The following SLC24A3 variants were observed in gnomAD, a reference collection of about 807,000 sequenced individuals.
The protein encoded by SLC24A3 is sodium/potassium/calcium exchanger 3.
Under a neutral mutation model 75.8 loss-of-function variants are expected in SLC24A3, and 28 were observed. That is an observed-to-expected ratio of 0.37 (90% CI 0.27 to 0.51). The LOEUF is 0.51. SLC24A3 is among the 20% of genes least tolerant of loss of function. The pLI is 0.94. For synonymous variants in SLC24A3, 372 were observed against 334.1 expected (o/e 1.11, Z -1.24); for missense variants, 663 against 847.8 (o/e 0.78, Z 2.71).
chr20:19,636,129 G>T (rs1021758222), intron 6 of SLC24A3, among the ~76,000 whole-genome samples: 2 of 146,862 alleles, frequency 1.4e-5, no homozygotes, highest in Non-Finnish European at 3.0e-5. Context: ...GACAGAGCGA[G>T]ACTCCATCTC....
rs1347718088 is a variant in SLC24A3 at position 19,212,895 on chromosome 20, G to T, written c.53G>T (p.Arg18Leu). Reference sequence around the variant, plus strand: ...GCGCGTCGCCGCCGCCGCCGCCGCCGCCGGAGGGACCTTCTGCTGAGCCAG... The same window carrying T: ...GCGCGTCGCCGCCGCCGCCGCCGCCTCCGGAGGGACCTTCTGCTGAGCCAG... ...DRARRRRRRR[R>L]RRDLLLSQLC... The change falls in exon 1 of 17, where the codon CGC (arginine) becomes CTC (leucine). Residue 18 changes from arginine (R) to leucine (L), a missense_variant. Physicochemically the swap from Arg to Leu is moderately radical, Grantham distance 102 (BLOSUM62 -2). Transcript: ENST00000328041. 7.6e-7 allele frequency: 1 copy of T among 1,315,110 alleles called. No homozygotes were observed. The highest frequency in any genetic ancestry group is 9.7e-7 in the Non-Finnish European group (1 of 1,027,500). 81.5% of individuals were successfully genotyped at this position (1,315,110 alleles called of 1,614,324 possible). A position where few individuals can be genotyped will look rare whatever the true frequency, so the allele number is the denominator to read the frequency against.
At chr20:19,384,495 A>G (rs921344073) in intron 2 of SLC24A3, among the ~76,000 whole-genome samples, 7 of 152,218 alleles carry the variant, frequency 4.6e-5, no homozygotes, top group African/African-American at 1.7e-4. Flanking sequence ...ATGTTTTAGC[A>G]AACAAAGAAT....
Position 19,269,967 on chromosome 20 carries a change from C to T in SLC24A3, c.143-10992C>T, listed in dbSNP as rs906033287. On this transcript the variant is annotated intron_variant, in intron 1 of 16. Coordinates refer to ENST00000328041, the MANE Select transcript of SLC24A3 (RefSeq NM_020689.4). Reference sequence around the variant, plus strand: ...CTTCCTGCTGGACAGAACCCACTACCGGTCAGAACATCATCTTCTTCGCTT... The same window carrying T: ...CTTCCTGCTGGACAGAACCCACTACTGGTCAGAACATCATCTTCTTCGCTT... 7.9e-5 allele frequency among the ~76,000 whole-genome samples: 12 copies of T among 152,328 alleles called. No homozygotes were observed. The East Asian group carries it at 1.5e-3, about 20-fold the overall frequency.
At chr20:19,360,190 T>C (rs1985760763) in intron 2 of SLC24A3, among the ~76,000 whole-genome samples, 1 of 152,184 alleles carries the variant, frequency 6.6e-6, no homozygotes, top group Admixed American at 6.5e-5. Context: ...TATCTTGGGT[T>C]TTGCTGATAC....
intron 2 of SLC24A3, among the ~76,000 whole-genome samples, chr20:19,424,216 C>A (rs1297319363): frequency 1.3e-5 from 2 of 152,142 alleles, no homozygotes; most frequent in Non-Finnish European, 2.9e-5. Context: ...CCAACTCCTT[C>A]CAGCTTTTCA....
At chr20:19,599,697 G>A (rs1021988311) in intron 6 of SLC24A3, among the ~76,000 whole-genome samples, 2 of 152,158 alleles carry the variant, frequency 1.3e-5, no homozygotes, top group African/African-American at 4.8e-5. Flanking sequence ...AATGTGGTGT[G>A]GGACTAAATG....
Position 19,721,347 on chromosome 20 carries a change from C to A in SLC24A3, c.*207C>A. 1.9e-6 allele frequency: 1 copy of A among 535,244 alleles called. No homozygotes were observed. Among genetic ancestry groups the A allele is most frequent in the South Asian group, 3.0e-5 (1 of 33,888 alleles). 33.2% of individuals were successfully genotyped at this position (535,244 alleles called of 1,614,324 possible). ...CTTGGGTCATGCCCACCCACCCTTT[C>A]CTGCCTCCTCCGTGTGAAGACATCC... On this transcript the variant is annotated 3_prime_UTR_variant, in exon 17 of 17. Coordinates refer to ENST00000328041, the MANE Select transcript of SLC24A3 (RefSeq NM_020689.4).
At chr20:19,289,151 TG>T (rs1300127609) in intron 2 of SLC24A3, among the ~76,000 whole-genome samples, 1 of 152,152 alleles carries the variant, frequency 6.6e-6, no homozygotes. Context: ...ACCCCTGGGC[TG>T]GGGGTCTGTG....
intron 2 of SLC24A3, among the ~76,000 whole-genome samples, chr20:19,429,037 C>T (rs1005900955): frequency 9.9e-5 from 15 of 152,158 alleles, no homozygotes; most frequent in Non-Finnish European, 2.1e-4. Flanking sequence ...GAATTTAAAA[C>T]AGAAATATAA....
intron 16 of SLC24A3, among the ~76,000 whole-genome samples, chr20:19,720,776 C>T (rs2033096563): frequency 6.6e-6 from 1 of 152,106 alleles, no homozygotes; most frequent in Admixed American, 6.5e-5. Context: ...TTTTCTACAA[C>T]CAGCAGCTTC....
rs1053486150 is a variant in SLC24A3, at chr20:19,485,329, T to A, written c.272-30159T>A. Among the ~76,000 whole-genome samples the A allele has an allele frequency of 4.6e-5, 7 of 152,314 alleles. 1 individual carries two copies. Among genetic ancestry groups the A allele is most frequent in the Admixed American group, 1.3e-4 (2 of 15,306 alleles). On this transcript the variant is annotated intron_variant, in intron 2 of 16. Transcript: ENST00000328041. ...ACACCCAGTAAGTGAATGAGGCAGC[T>A]GGACTGATGAGTCCATGTGGAAAGA...
intron 2 of SLC24A3, among the ~76,000 whole-genome samples, chr20:19,497,933 G>C (rs1343423927): frequency 6.6e-6 from 1 of 152,154 alleles, no homozygotes; most frequent in Admixed American, 6.5e-5. Flanking sequence ...GGGCCACATA[G>C]CAGGAGGGGA....
rs371234304 is a variant in SLC24A3 at position 19,681,837 on chromosome 20, C to T, written c.768-21C>T. On this transcript the variant is annotated intron_variant, in intron 9 of 16. Transcript: ENST00000328041. ...GAATGGAAAACACTGATGGACTCTG[C>T]CCACTTGTCGCTTTGCTCAGATATA... The T allele has an allele frequency of 2.5e-6, 4 of 1,613,606 alleles. No individual in the cohort carries two copies. In the African/African-American group the frequency reaches 5.3e-5, roughly 22 times the overall value.
intron 7 of SLC24A3, among the ~76,000 whole-genome samples, chr20:19,660,288 C>T (rs2032312076): frequency 6.6e-6 from 1 of 151,918 alleles, no homozygotes; most frequent in Non-Finnish European, 1.5e-5. Context: ...GCCCCTCCTC[C>T]CACCCCCCCA....
chr20:19,563,237 G>A (rs899109744), intron 3 of SLC24A3, among the ~76,000 whole-genome samples: 1 of 152,022 alleles, frequency 6.6e-6, no homozygotes, highest in African/African-American at 2.4e-5. Flanking sequence ...TGCTCACATT[G>A]TCCCCGCCAG....
chr20:19,413,602 C>T (rs1328890437), intron 2 of SLC24A3, among the ~76,000 whole-genome samples: 2 of 152,154 alleles, frequency 1.3e-5, no homozygotes. Flanking sequence ...CCAGTAATCA[C>T]CTTTCACTTT....
intron 6 of SLC24A3, among the ~76,000 whole-genome samples, chr20:19,596,429 A>T (rs986418807): frequency 6.6e-6 from 1 of 152,236 alleles, no homozygotes; most frequent in African/African-American, 2.4e-5. Flanking sequence ...AACTGTACAA[A>T]TGAGTACAAA....
At chr20:19,367,460 A>AAAAC (rs1438524591) in intron 2 of SLC24A3, among the ~76,000 whole-genome samples, 1 of 151,028 alleles carries the variant, frequency 6.6e-6, no homozygotes, top group Admixed American at 6.6e-5. Context: ...GCAGAGACGT[A>AAAAC]AAACAAACAA....
chr20:19,485,923 G>A (rs1352566735), intron 2 of SLC24A3, among the ~76,000 whole-genome samples: 3 of 152,206 alleles, frequency 2.0e-5, no homozygotes, highest in Non-Finnish European at 4.4e-5. Context: ...CCATTTCTGG[G>A]GTTAGCCCAG....
Sources: gnomAD v4.1 joint callset for allele counts (sites outside exome capture counted in the v4.1 genomes callset) on GRCh38, gnomAD v4.1.1 for gene constraint, MANE v1.5 for transcripts, NCBI Gene and HGNC (gene_info 2026-07-23, HGNC 2026-07-21) for gene names.